Variants in RTL9 observed in about 807,000 individuals in gnomAD.
The protein encoded by RTL9 is retrotransposon Gag like 9.
A neutral mutation model predicts 44.7 loss-of-function variants in RTL9; 19 were observed. That is an observed-to-expected ratio of 0.42 (90% CI 0.30 to 0.62). RTL9 has a LOEUF of 0.62. RTL9 is among the 20% of genes least tolerant of loss of function. The pLI, the probability that RTL9 is intolerant of heterozygous loss-of-function variation, is 0.16. For synonymous variants in RTL9, 407 were observed against 398.9 expected, an observed-to-expected ratio of 1.02 and a Z score of -0.24; for missense variants, 1,105 against 1,080.6, an observed-to-expected ratio of 1.02 and a Z score of -0.32.
At chrX:110,397,978 G>A (rs1180025871) in intron 1 of RTL9, among the ~76,000 whole-genome samples, 1 of 112,273 alleles carries the variant, frequency 8.9e-6, no homozygotes, top group Non-Finnish European at 1.9e-5. Context: ...GCACGAACCC[G>A]CTTCCTTGAC....
At chrX:110,372,442 A>G (rs1268817473) in intron 1 of RTL9, among the ~76,000 whole-genome samples, 1 of 112,075 alleles carries the variant, frequency 8.9e-6, no homozygotes, top group African/African-American at 3.2e-5. Context: ...TTTTATGCAC[A>G]TAAAGGCTTA....
upstream of RTL9, among the ~76,000 whole-genome samples, chrX:110,447,859 A>T (rs1223437727): frequency 1.8e-5 from 2 of 111,518 alleles, no homozygotes; most frequent in Non-Finnish European, 3.8e-5. Context: ...AGGCTCAGGG[A>T]CCAATTCTCC....
chrX:110,396,514 CTT>C (rs1344275659), intron 1 of RTL9, among the ~76,000 whole-genome samples: 1 of 112,335 alleles, frequency 8.9e-6, no homozygotes, highest in Non-Finnish European at 1.9e-5. Flanking sequence ...CTCCATTCTA[CTT>C]TCTTTCCCAG....
At chrX:110,388,401 G>T (rs746862028) in intron 1 of RTL9, among the ~76,000 whole-genome samples, 2 of 111,746 alleles carry the variant, frequency 1.8e-5, no homozygotes, top group African/African-American at 6.5e-5. Flanking sequence ...GTACCTTTAA[G>T]AAGTCTCAGC....
intron 1 of RTL9, among the ~76,000 whole-genome samples, chrX:110,408,748 C>A (rs2068620573): frequency 8.9e-6 from 1 of 112,018 alleles, no homozygotes; most frequent in Non-Finnish European, 1.9e-5. Context: ...CATGGGGATT[C>A]TATATAAAGG....
intron 1 of RTL9, among the ~76,000 whole-genome samples, chrX:110,373,225 T>C (rs977546419): frequency 8.9e-6 from 1 of 111,911 alleles, no homozygotes; most frequent in African/African-American, 3.3e-5. Flanking sequence ...GTAAATGTGC[T>C]ATATTGCTTC....
upstream of RTL9, among the ~76,000 whole-genome samples, chrX:110,448,681 C>T (rs868824466): frequency 7.6e-5 from 1 of 13,201 alleles, no homozygotes; most frequent in East Asian, 9.9e-4. Context: ...GGCGGGTGGG[C>T]GGGCAGGCTG....
chrX:110,417,234 G>C (rs1170444440), upstream of RTL9, among the ~76,000 whole-genome samples: 1 of 112,112 alleles, frequency 8.9e-6, no homozygotes, highest in African/African-American at 3.2e-5. Context: ...CGGCTGCTCA[G>C]CTTGGAGGGA....
chrX:110,412,245 GTTAT>G (rs2068646064), intron 1 of RTL9, among the ~76,000 whole-genome samples: 1 of 112,546 alleles, frequency 8.9e-6, no homozygotes, highest in South Asian at 3.7e-4. Flanking sequence ...AACTGGAAAT[GTTAT>G]TTGAGTCAGC....
chrX:110,421,651 A>C (rs1374142290), intron 1 of RTL9, among the ~76,000 whole-genome samples: 1 of 113,050 alleles, frequency 8.8e-6, no homozygotes, highest in African/African-American at 3.2e-5. Context: ...AACAAAGCTC[A>C]AATTCATGTG....
intron 1 of RTL9, among the ~76,000 whole-genome samples, chrX:110,434,969 C>G (rs1386315391): frequency 1.8e-5 from 2 of 108,425 alleles, no homozygotes; most frequent in Non-Finnish European, 3.8e-5. Context: ...TCATCCCTTT[C>G]CCCTCATGAT....
At chrX:110,454,699 C>T (rs1362016908) in intron 1 of RTL9, 35 bp downstream of exon 3, 3 of 1,106,496 alleles carry the variant, frequency 2.7e-6, no homozygotes, top group Non-Finnish European at 3.6e-6. Context: ...GGTTTTTGAG[C>T]AGAGAAATGA....
intron 1 of RTL9, among the ~76,000 whole-genome samples, chrX:110,380,008 T>C (rs1051851564): frequency 1.8e-5 from 2 of 111,869 alleles, no homozygotes; most frequent in African/African-American, 6.5e-5. Context: ...TTGCCCAAGA[T>C]CCCTCAGGCA....
At chrX:110,445,952 T>C (rs1462410637), upstream of RTL9, among the ~76,000 whole-genome samples, 1 of 111,877 alleles carries the variant, frequency 8.9e-6, no homozygotes, top group Non-Finnish European at 1.9e-5. Flanking sequence ...TCACATGGGC[T>C]GAGCATGCAA....
chrX:110,403,491 T>C (rs5985467), intron 1 of RTL9, among the ~76,000 whole-genome samples: 1,233 of 110,786 alleles, frequency 0.011, 11 homozygotes, highest in Middle Eastern at 0.023. Flanking sequence ...CACATGCACA[T>C]GCCCGGATCC....
intron 1 of RTL9, among the ~76,000 whole-genome samples, chrX:110,440,501 C>T (rs756749401): frequency 4.5e-5 from 5 of 111,748 alleles, no homozygotes; most frequent in South Asian, 3.8e-4. Context: ...ACTTGGGTCA[C>T]GGCCTGCCTT....
intron 1 of RTL9, among the ~76,000 whole-genome samples, chrX:110,407,301 G>A (rs2068609520): frequency 8.9e-6 from 1 of 111,824 alleles, no homozygotes; most frequent in Non-Finnish European, 1.9e-5. Context: ...TTACCAGCTT[G>A]GTATTTCTCA....
chrX:110,410,297 G>A (rs1400927022), intron 1 of RTL9, among the ~76,000 whole-genome samples: 2 of 111,735 alleles, frequency 1.8e-5, no homozygotes, highest in Non-Finnish European at 3.8e-5. Flanking sequence ...TCTGCCTAGA[G>A]GTAGAGGACA....
intron 1 of RTL9, among the ~76,000 whole-genome samples, chrX:110,384,576 T>C (rs935994453): frequency 2.7e-5 from 3 of 111,581 alleles, no homozygotes; most frequent in African/African-American, 9.8e-5. Context: ...AGCCATTTTC[T>C]GGAACTTGAG....
Sources: gnomAD v4.1 joint callset for allele counts (sites outside exome capture counted in the v4.1 genomes callset) on GRCh38, gnomAD v4.1.1 for gene constraint, MANE v1.5 for transcripts, NCBI Gene and HGNC (gene_info 2026-07-23, HGNC 2026-07-21) for gene names.